The following CNTNAP2 variants were observed in gnomAD, a reference collection of about 807,000 sequenced individuals.
The protein encoded by CNTNAP2 is contactin-associated protein-like 2.
A neutral mutation model predicts 155.2 loss-of-function variants in CNTNAP2; 98 were observed. The ratio of observed to expected loss-of-function variants is 0.63; its 90% confidence interval spans 0.54 to 0.75. CNTNAP2 has a LOEUF of 0.75. Among genes scored for constraint, CNTNAP2 ranks in the 30% least tolerant of loss-of-function variants. The pLI is 0.00. For missense variants in CNTNAP2, 1,727 were observed against 1,688.1 expected (o/e 1.02, Z -0.40); for synonymous variants, 651 against 631.2 (o/e 1.03, Z -0.47).
At chr7:147,069,727 T>C (rs1410420783) in intron 4 of CNTNAP2, among the ~76,000 whole-genome samples, 1 of 152,214 alleles carries the variant, frequency 6.6e-6, no homozygotes, top group East Asian at 1.9e-4. Context: ...AGTTGCTTAC[T>C]TACTATCATT....
chr7:147,216,918 A>G (rs1300288502), intron 8 of CNTNAP2, among the ~76,000 whole-genome samples: 1 of 151,974 alleles, frequency 6.6e-6, no homozygotes, highest in Non-Finnish European at 1.5e-5. Context: ...TTTCATAAGC[A>G]TTTCATTTTT....
chr7:146,439,164 G>A (rs1299755005), intron 1 of CNTNAP2, among the ~76,000 whole-genome samples: 4 of 151,460 alleles, frequency 2.6e-5, no homozygotes, highest in Non-Finnish European at 5.9e-5. Flanking sequence ...TCTCCCCAGA[G>A]AAGGGGACTA....
At chr7:147,142,572 G>A (rs1437473270) in intron 8 of CNTNAP2, among the ~76,000 whole-genome samples, 1 of 152,044 alleles carries the variant, frequency 6.6e-6, no homozygotes, top group East Asian at 1.9e-4. Context: ...TTGGTATCAG[G>A]ATGATGCTGG....
intron 3 of CNTNAP2, among the ~76,000 whole-genome samples, chr7:146,951,071 TG>T (rs1797304355): frequency 6.6e-6 from 1 of 152,228 alleles, no homozygotes; most frequent in Non-Finnish European, 1.5e-5. Flanking sequence ...TTCATATGTT[TG>T]TTGGCCACAT....
intron 13 of CNTNAP2, among the ~76,000 whole-genome samples, chr7:147,848,302 C>T (rs577597758): frequency 6.7e-5 from 10 of 148,896 alleles, no homozygotes; most frequent in East Asian, 4.0e-4. Flanking sequence ...TCTCGTGGTG[C>T]GCCGTTTCTT....
chr7:146,514,132 G>C (rs925708327), intron 1 of CNTNAP2, among the ~76,000 whole-genome samples: 5 of 151,422 alleles, frequency 3.3e-5, no homozygotes, highest in Non-Finnish European at 4.4e-5. Context: ...ATATTATTTG[G>C]TTATTTTCTC....
chr7:147,783,407 A>G (rs1317404972), intron 13 of CNTNAP2, among the ~76,000 whole-genome samples: 2 of 152,190 alleles, frequency 1.3e-5, no homozygotes, highest in Non-Finnish European at 2.9e-5. Flanking sequence ...AGGTGTCCAT[A>G]TTACCCAAGC....
At chr7:147,643,938 C>T (rs1795325758) in intron 13 of CNTNAP2, among the ~76,000 whole-genome samples, 1 of 152,090 alleles carries the variant, frequency 6.6e-6, no homozygotes, top group African/African-American at 2.4e-5. Flanking sequence ...GATAGTAATA[C>T]ATGCCTTGTA....
At chr7:147,259,238 G>C (rs1356756707) in intron 8 of CNTNAP2, among the ~76,000 whole-genome samples, 1 of 152,136 alleles carries the variant, frequency 6.6e-6, no homozygotes, top group Non-Finnish European at 1.5e-5. Flanking sequence ...GAATAGTTTT[G>C]AGGATGACAT....
At chr7:148,089,405 A>C (rs73472207) in intron 15 of CNTNAP2, among the ~76,000 whole-genome samples, 20,388 of 151,902 alleles carry the variant, frequency 0.13, 2,339 homozygotes, top group African/African-American at 0.31. Context: ...GTAGTAAATC[A>C]TAAAGACTCC....
At chr7:147,356,413 G>A (rs1396202582) in intron 9 of CNTNAP2, among the ~76,000 whole-genome samples, 2 of 152,108 alleles carry the variant, frequency 1.3e-5, no homozygotes, top group Admixed American at 1.3e-4. Context: ...ATTCAACATA[G>A]TGTTGGAAGT....
rs35070878 is a variant in CNTNAP2, at chr7:146,551,722, C to T, written c.98-222549C>T. Among the ~76,000 whole-genome samples, 972 of 152,010 alleles carry T rather than the reference C, an allele frequency of 6.4e-3. 7 individuals are homozygous for T. The highest frequency in any genetic ancestry group is 0.022 in the African/African-American group (913 of 41,450). Reference sequence around the variant, plus strand: ...TTTCTGGTCTATGTATGATTTATACCGCAGGACCACATTTGTACAGAGTCC... The same window carrying T: ...TTTCTGGTCTATGTATGATTTATACTGCAGGACCACATTTGTACAGAGTCC... On this transcript the variant is annotated intron_variant, in intron 1 of 23. Coordinates refer to ENST00000361727, the MANE Select transcript of CNTNAP2 (RefSeq NM_014141.6).
chr7:146,537,265 A>C (rs13236699), intron 1 of CNTNAP2, among the ~76,000 whole-genome samples: 53,673 of 151,904 alleles, frequency 0.35, 9,736 homozygotes, highest in East Asian at 0.51. Context: ...ATTACTGTCT[A>C]TTATTATAAA....
At chr7:148,340,880 T>C (rs960659888) in intron 21 of CNTNAP2, among the ~76,000 whole-genome samples, 3 of 152,228 alleles carry the variant, frequency 2.0e-5, no homozygotes, top group Non-Finnish European at 4.4e-5. Context: ...CTTTACTTTT[T>C]CCAGAAACAG....
chr7:146,788,497 G>C (rs2129188481), intron 2 of CNTNAP2, among the ~76,000 whole-genome samples: 1 of 152,320 alleles, frequency 6.6e-6, no homozygotes, highest in East Asian at 1.9e-4. Context: ...AAGCAGAAAT[G>C]ATGACTTCTT....
intron 14 of CNTNAP2, among the ~76,000 whole-genome samples, chr7:147,948,572 T>C (rs78360196): frequency 0.011 from 1,714 of 150,064 alleles, 44 homozygotes; most frequent in East Asian, 0.085. Flanking sequence ...ATCATATGAT[T>C]ATCACCTTGT....
chr7:146,446,059 G>A (rs1639460), intron 1 of CNTNAP2, among the ~76,000 whole-genome samples: 65,545 of 151,948 alleles, frequency 0.43, 17,087 homozygotes, highest in African/African-American at 0.73. Flanking sequence ...GAAAAGAACC[G>A]TAGATCATTC....
At chr7:146,592,065 C>T (rs1798791098) in intron 1 of CNTNAP2, among the ~76,000 whole-genome samples, 1 of 152,156 alleles carries the variant, frequency 6.6e-6, no homozygotes, top group African/African-American at 2.4e-5. Context: ...GCTCCTGAGC[C>T]TAGGATGTCT....
intron 13 of CNTNAP2, among the ~76,000 whole-genome samples, chr7:147,866,369 G>A (rs935067446): frequency 6.6e-6 from 1 of 152,184 alleles, no homozygotes; most frequent in African/African-American, 2.4e-5. Flanking sequence ...TAAGTGTGAT[G>A]TGGTGCTGAG....
Sources: gnomAD v4.1 joint callset for allele counts (sites outside exome capture counted in the v4.1 genomes callset) on GRCh38, gnomAD v4.1.1 for gene constraint, MANE v1.5 for transcripts, NCBI Gene and HGNC (gene_info 2026-07-23, HGNC 2026-07-21) for gene names.